Variants in SPATA9 observed in about 807,000 individuals in gnomAD.
SPATA9 encodes spermatogenesis-associated protein 9.
Under a neutral mutation model 25.5 loss-of-function variants are expected in SPATA9, and 27 were observed. That is an observed-to-expected ratio of 1.06 (90% confidence interval 0.78 to 1.46). SPATA9 has a LOEUF of 1.46. Among genes scored for constraint, SPATA9 ranks in the 40% most tolerant of loss-of-function variants. The pLI, the probability that SPATA9 is intolerant of heterozygous loss-of-function variation, is 0.00. For missense variants in SPATA9, 282 were observed against 297.5 expected, an observed-to-expected ratio of 0.95 and a Z score of 0.38; for synonymous variants, 102 against 105.7, an observed-to-expected ratio of 0.97 and a Z score of 0.21.
At chr5:95,684,480 T>C (rs780010740), upstream of SPATA9, 1 of 152,226 alleles carries the variant, frequency 6.6e-6, no homozygotes, top group Non-Finnish European at 1.5e-5. Flanking sequence ...AGGCATCCTA[T>C]AAAATTAACA....
the SPATA9 span, among the ~76,000 whole-genome samples, chr5:95,725,793 T>C: frequency 6.6e-6 from 1 of 151,946 alleles, no homozygotes; most frequent in Non-Finnish European, 1.5e-5. Flanking sequence ...ATTGTAATGT[T>C]AGCTTGGAAT....
the SPATA9 span, among the ~76,000 whole-genome samples, chr5:95,713,156 T>C: frequency 1.3e-5 from 2 of 152,188 alleles, no homozygotes; most frequent in Non-Finnish European, 2.9e-5. Context: ...CAAAAACCCA[T>C]GTCCCAGACC....
the SPATA9 span, among the ~76,000 whole-genome samples, chr5:95,711,264 G>T: frequency 6.6e-6 from 1 of 152,146 alleles, no homozygotes; most frequent in Non-Finnish European, 1.5e-5. Flanking sequence ...TCTATTGGCT[G>T]ATGCAAGGAA....
At chr5:95,674,891 C>G (rs1287351563) in intron 3 of SPATA9, 1 of 391,116 alleles carries the variant, frequency 2.6e-6, no homozygotes, top group African/African-American at 2.2e-5. Context: ...GTATAATGCC[C>G]AAATTGAAAA....
At chr5:95,698,361 T>A (rs945536581) in intron 1 of SPATA9, among the ~76,000 whole-genome samples, 2 of 152,120 alleles carry the variant, frequency 1.3e-5, no homozygotes, top group Non-Finnish European at 2.9e-5. Flanking sequence ...GATGCAAGCA[T>A]CTGTGAAGGG....
Position 95,675,626 on chromosome 5 carries a change from G to A in SPATA9, c.164C>T (p.Ala55Val), listed in dbSNP as rs780250198. Reference protein sequence around the residue: ...LSQSNQKREPAQKTSKIRMAI... With the variant: ...LSQSNQKREPVQKTSKIRMAI... The stretch of plus-strand genomic sequence containing the variant: ...CATCCTGATTTTGGATGTTTTCTGC[G>A]CAGGTTCTCTTTTCTGAAAAATAGG... The change falls in exon 3 of 5, where the codon GCG (alanine) becomes GTG (valine). Residue 55 changes from alanine to valine, a missense_variant. Transcript: ENST00000274432. 89 of 1,613,844 alleles carry A rather than the reference G, an allele frequency of 5.5e-5. No homozygotes were observed. The highest frequency in any genetic ancestry group is 6.9e-5 in the Non-Finnish European group (82 of 1,179,972).
the SPATA9 span, among the ~76,000 whole-genome samples, chr5:95,707,335 ATTG>A: frequency 6.6e-6 from 1 of 152,250 alleles, no homozygotes; most frequent in African/African-American, 2.4e-5. Context: ...AACAAGAATA[ATTG>A]TTGTACCCGA....
At chr5:95,726,661 G>A in the SPATA9 span, among the ~76,000 whole-genome samples, 2,279 of 152,300 alleles carry the variant, frequency 0.015, 56 homozygotes, top group African/African-American at 0.052. Flanking sequence ...AAGAGTATCA[G>A]AAACATCAGC....
At chr5:95,702,755 C>G (rs2112719014), upstream of SPATA9, among the ~76,000 whole-genome samples, 1 of 152,244 alleles carries the variant, frequency 6.6e-6, no homozygotes, top group South Asian at 2.1e-4. Context: ...GTGGCACACA[C>G]CTATAGTCCT....
chr5:95,705,637 TG>T, the SPATA9 span, among the ~76,000 whole-genome samples: 1 of 152,220 alleles, frequency 6.6e-6, no homozygotes, highest in Non-Finnish European at 1.5e-5. Context: ...TGAGTATTTG[TG>T]GGGAGCTTGC....
downstream of SPATA9, chr5:95,657,450 A>G (rs1221576135): frequency 1.3e-5 from 2 of 152,008 alleles, no homozygotes; most frequent in African/African-American, 4.8e-5. Flanking sequence ...AGAAATAGCT[A>G]AAATGAGTAG....
chr5:95,703,558 T>A (rs1473831683), upstream of SPATA9, among the ~76,000 whole-genome samples: 4 of 151,766 alleles, frequency 2.6e-5, no homozygotes, highest in South Asian at 4.2e-4. Flanking sequence ...TGCTTTAACC[T>A]GGGAGGTGGA....
At chr5:95,694,368 G>C (rs1318077822) in intron 1 of SPATA9, among the ~76,000 whole-genome samples, 1 of 152,080 alleles carries the variant, frequency 6.6e-6, no homozygotes, top group Non-Finnish European at 1.5e-5. Context: ...TAATTACCTA[G>C]CTACTTAAGC....
the SPATA9 span, among the ~76,000 whole-genome samples, chr5:95,730,167 C>T: frequency 6.6e-6 from 1 of 151,966 alleles, no homozygotes; most frequent in Non-Finnish European, 1.5e-5. Context: ...TACTTTCAAC[C>T]GAGCAATAAG....
intron 3 of SPATA9, among the ~76,000 whole-genome samples, chr5:95,673,805 T>A (rs575482304): frequency 6.6e-6 from 1 of 151,820 alleles, no homozygotes; most frequent in Admixed American, 6.6e-5. Flanking sequence ...AGTGCAGTGG[T>A]GCAATCTTGA....
chr5:95,726,556 T>A, the SPATA9 span, among the ~76,000 whole-genome samples: 2 of 152,244 alleles, frequency 1.3e-5, no homozygotes, highest in African/African-American at 4.8e-5. Flanking sequence ...TGTAAATTCA[T>A]ACTTAAAACA....
At chr5:95,692,879 C>T (rs1355138223) in intron 1 of SPATA9, among the ~76,000 whole-genome samples, 1 of 151,984 alleles carries the variant, frequency 6.6e-6, no homozygotes, top group Non-Finnish European at 1.5e-5. Context: ...CACAAATGTT[C>T]TAAATCATAC....
the SPATA9 span, among the ~76,000 whole-genome samples, chr5:95,714,175 G>C: frequency 6.6e-6 from 1 of 152,006 alleles, no homozygotes; most frequent in African/African-American, 2.4e-5. Flanking sequence ...TATTAAGCTT[G>C]CTGGGGAAGG....
the SPATA9 span, among the ~76,000 whole-genome samples, chr5:95,710,411 T>C: frequency 4.6e-5 from 7 of 152,196 alleles, no homozygotes; most frequent in Non-Finnish European, 1.0e-4. Flanking sequence ...AAAGTCTCTA[T>C]GGCATGAGGA....
Sources: gnomAD v4.1 joint callset for allele counts (sites outside exome capture counted in the v4.1 genomes callset) on GRCh38, gnomAD v4.1.1 for gene constraint, MANE v1.5 for transcripts, NCBI Gene and HGNC (gene_info 2026-07-23, HGNC 2026-07-21) for gene names.